Variants in RELN observed in about 807,000 individuals in gnomAD.
RELN encodes reelin.
RELN carries 108 observed loss-of-function variants against 427.6 expected under a neutral mutation model. The ratio of observed to expected loss-of-function variants is 0.25; its 90% CI spans 0.22 to 0.30. The LOEUF (loss-of-function observed/expected upper bound fraction) is 0.30, where lower values mean the gene tolerates loss of function less well. RELN is among the 10% of genes least tolerant of loss of function. The pLI is 1.00. For synonymous variants in RELN, 1,524 were observed against 1,513.4 expected (o/e 1.01, Z -0.16); for missense variants, 3,715 against 4,302.8 (o/e 0.86, Z 3.82).
At chr7:103,916,754 C>A (rs865822319) in intron 2 of RELN, among the ~76,000 whole-genome samples, 1 of 152,062 alleles carries the variant, frequency 6.6e-6, no homozygotes, top group Non-Finnish European at 1.5e-5. Context: ...TGAATGATTG[C>A]GTGGACATCA....
intron 6 of RELN, among the ~76,000 whole-genome samples, chr7:103,743,997 G>C (rs1263570821): frequency 2.0e-5 from 3 of 152,068 alleles, no homozygotes; most frequent in African/African-American, 7.2e-5. Context: ...TTCCAAAATT[G>C]ACCACATAGT....
chr7:103,500,115 A>G (rs1483909881), intron 53 of RELN, among the ~76,000 whole-genome samples: 1 of 152,162 alleles, frequency 6.6e-6, no homozygotes, highest in Non-Finnish European at 1.5e-5. Flanking sequence ...TTTTTCTGTT[A>G]TTGTAATGAC....
intron 1 of RELN, among the ~76,000 whole-genome samples, chr7:103,935,962 T>G (rs1021848763): frequency 6.6e-6 from 1 of 152,160 alleles, no homozygotes; most frequent in South Asian, 2.1e-4. Context: ...TCTCTCTCTC[T>G]CTTCCCACCC....
Position 103,829,168 on chromosome 7 carries a change from C to T in RELN, c.473+4369G>A, listed in dbSNP as rs193020772. Among the ~76,000 whole-genome samples, 879 of 152,094 alleles carry T rather than the reference C, an allele frequency of 5.8e-3. 18 individuals carry two copies. The highest frequency in any genetic ancestry group is 0.02 in the African/African-American group (846 of 41,538). ...AAGAGGTAAATAGAAAAGTGGCTGG[C>T]ACATTGTAAATTTTCAAAAATATTA... On this transcript the variant is annotated intron_variant, in intron 3 of 64. Coordinates refer to ENST00000428762, the MANE Select transcript of RELN (RefSeq NM_005045.4).
intron 2 of RELN, among the ~76,000 whole-genome samples, chr7:103,857,436 T>C (rs1190781105): frequency 6.6e-6 from 1 of 152,216 alleles, no homozygotes; most frequent in Non-Finnish European, 1.5e-5. Context: ...GACTGTGTTT[T>C]CTTCTCCATC....
intron 4 of RELN, among the ~76,000 whole-genome samples, chr7:103,774,300 A>G (rs1791682326): frequency 6.8e-6 from 1 of 146,210 alleles, no homozygotes; most frequent in African/African-American, 2.6e-5. Flanking sequence ...TTGTCTCAAA[A>G]AAAAAAAAAA....
chr7:103,682,335 T>TTA (rs1470887024), intron 10 of RELN, 74 bp from the exon 11 acceptor site: 7 of 1,508,780 alleles, frequency 4.6e-6, no homozygotes, highest in Non-Finnish European at 6.4e-6. Flanking sequence ...TCATGTATAA[T>TTA]TAGAGTTTTT....
intron 1 of RELN, among the ~76,000 whole-genome samples, chr7:103,920,206 G>A (rs1391245849): frequency 1.3e-5 from 2 of 152,128 alleles, no homozygotes; most frequent in East Asian, 1.9e-4. Context: ...ACTTTAAAAT[G>A]TTTCCTTTAA....
chr7:103,741,575 G>GA (rs1204671028), intron 6 of RELN, among the ~76,000 whole-genome samples: 1 of 151,662 alleles, frequency 6.6e-6, no homozygotes, highest in Admixed American at 6.6e-5. Flanking sequence ...GAAGAAGGAA[G>GA]AAAAGGAGGG....
chr7:103,882,606 G>C (rs1794633459), intron 2 of RELN, among the ~76,000 whole-genome samples: 1 of 151,984 alleles, frequency 6.6e-6, no homozygotes, highest in Non-Finnish European at 1.5e-5. Flanking sequence ...TGATAAAGGA[G>C]AGATCACCAC....
chr7:103,787,741 A>C lies in RELN; in HGVS notation c.474-11114T>G, dbSNP rs181804787. Among the ~76,000 whole-genome samples the C allele has an allele frequency of 2.9e-3, 436 of 152,356 alleles. 1 individual carries two copies. The highest frequency in any genetic ancestry group is 9.8e-3 in the African/African-American group (406 of 41,586). ...CAAGACCAGATGGATTCACAGCCAA[A>C]TTCTACCAGAGGTATAAAGAGGAGC... On this transcript the variant is annotated intron_variant, in intron 3 of 64. Transcript: ENST00000428762.
chr7:103,750,526 G>A (rs2116070893), intron 5 of RELN, among the ~76,000 whole-genome samples: 1 of 152,252 alleles, frequency 6.6e-6, no homozygotes, highest in Non-Finnish European at 1.5e-5. Context: ...ACTCATCCAT[G>A]GCTTCCAAGA....
chr7:103,743,234 G>T (rs1790717863), intron 6 of RELN, among the ~76,000 whole-genome samples: 1 of 152,120 alleles, frequency 6.6e-6, no homozygotes, highest in African/African-American at 2.4e-5. Context: ...TCACTACCAG[G>T]CCTGACCTAA....
At chr7:103,492,343 A>T (rs3808042) in intron 57 of RELN, among the ~76,000 whole-genome samples, 22,182 of 152,214 alleles carry the variant, frequency 0.15, 1,964 homozygotes, top group African/African-American at 0.24. Flanking sequence ...ATAGACAGAA[A>T]CTGAAAGTAT....
At chr7:103,518,348 TTA>T (rs1491338188) in intron 49 of RELN, among the ~76,000 whole-genome samples, 1 of 45,586 alleles carries the variant, frequency 2.2e-5, no homozygotes, top group Non-Finnish European at 3.5e-5. Flanking sequence ...TTTTTTTTTT[TTA>T]AAGATGCGGT....
chr7:103,867,388 T>A (rs75057139), intron 2 of RELN, among the ~76,000 whole-genome samples: 1 of 148,436 alleles, frequency 6.7e-6, no homozygotes, highest in South Asian at 2.2e-4. Flanking sequence ...AAAAAAAAAA[T>A]ACAGGTTATC....
rs139140239 is a variant in RELN, at chr7:103,694,467, AGATGATGATGAT to A, written c.1143+3374_1143+3385del. On this transcript the variant is annotated intron_variant, in intron 10 of 64. Coordinates refer to ENST00000428762, the MANE Select transcript of RELN (RefSeq NM_005045.4). ...AGGTTTATAAGGATCCAGTTAAATG[AGATGATGATGAT>A]GATGATGATGATGATGATGATGATG... is the stretch of plus-strand genomic sequence containing the variant. Among the ~76,000 whole-genome samples the A allele has an allele frequency of 5.4e-5, 8 of 148,798 alleles. No individual in the cohort carries two copies. In the South Asian group the frequency reaches 6.6e-4, roughly 12 times the overall value.
intron 11 of RELN, among the ~76,000 whole-genome samples, chr7:103,668,126 A>T (rs762532709): frequency 4.6e-5 from 7 of 152,110 alleles, no homozygotes; most frequent in Non-Finnish European, 1.0e-4. Context: ...GCTACTTGGG[A>T]GGCTGAGGCA....
chr7:103,880,203 C>T (rs1428581450), intron 2 of RELN, among the ~76,000 whole-genome samples: 1 of 151,752 alleles, frequency 6.6e-6, no homozygotes, highest in African/African-American at 2.4e-5. Context: ...AGCAGAAAGA[C>T]AGCAAAGCAT....
Sources: allele counts gnomAD v4.1 joint callset (sites outside exome capture counted in the v4.1 genomes callset), GRCh38; gene constraint gnomAD v4.1.1; transcripts MANE v1.5; gene names NCBI Gene and HGNC (gene_info 2026-07-23, HGNC 2026-07-21).